DENND4C: variants seen among roughly 807,000 people sequenced by gnomAD.
The protein encoded by DENND4C is DENN domain containing 4C.
DENND4C carries 108 observed loss-of-function variants against 203.0 expected under a neutral mutation model. That is an observed-to-expected ratio of 0.53 (90% CI 0.46 to 0.62). The LOEUF is 0.62. Ranked by LOEUF, DENND4C falls within the 20% of genes least tolerant of loss-of-function variation. The pLI is 0.00. For missense variants in DENND4C, 2,481 were observed against 2,301.2 expected, an observed-to-expected ratio of 1.08 and a Z score of -1.60; for synonymous variants, 871 against 792.4, an observed-to-expected ratio of 1.10 and a Z score of -1.67.
chr9:19,332,509 C>A (rs150034466), intron 17 of DENND4C, among the ~76,000 whole-genome samples: 1 of 144,894 alleles, frequency 6.9e-6, no homozygotes, highest in Non-Finnish European at 1.5e-5. Context: ...TGTTACCATA[C>A]CTGGCTAATT....
At chr9:19,322,080 G>A (rs1251993677) in intron 12 of DENND4C, among the ~76,000 whole-genome samples, 1 of 151,930 alleles carries the variant, frequency 6.6e-6, no homozygotes, top group Non-Finnish European at 1.5e-5. Context: ...TGCTCATTTC[G>A]GGGTGCGGAG....
At chr9:19,321,263 C>T (rs1049071092) in intron 12 of DENND4C, among the ~76,000 whole-genome samples, 1 of 152,000 alleles carries the variant, frequency 6.6e-6, no homozygotes, top group Admixed American at 6.6e-5. Flanking sequence ...TTAGAGGTGA[C>T]CTGGATTAAT....
At chr9:19,331,667 CTTCTTTGTA>C (rs1819226557) in intron 16 of DENND4C, among the ~76,000 whole-genome samples, 1 of 152,146 alleles carries the variant, frequency 6.6e-6, no homozygotes, top group African/African-American at 2.4e-5. Flanking sequence ...AAATGAGTTC[CTTCTTTGTA>C]AAAGACATGA....
intron 4 of DENND4C, among the ~76,000 whole-genome samples, chr9:19,289,521 G>A (rs1274312494): frequency 6.6e-6 from 1 of 152,092 alleles, no homozygotes. Context: ...ATAAAATTCA[G>A]TATCATTTTA....
At chr9:19,271,480 G>A (rs1182746621) in intron 1 of DENND4C, among the ~76,000 whole-genome samples, 1 of 152,114 alleles carries the variant, frequency 6.6e-6, no homozygotes, top group Non-Finnish European at 1.5e-5. Context: ...GGAATTACAG[G>A]TGTGAGCTAC....
intron 1 of DENND4C, among the ~76,000 whole-genome samples, chr9:19,243,594 T>C (rs936975567): frequency 9.8e-5 from 15 of 152,348 alleles, no homozygotes; most frequent in Middle Eastern, 3.4e-3. Flanking sequence ...TGGATATTCC[T>C]ACAAGTGGAC....
intron 1 of DENND4C, among the ~76,000 whole-genome samples, chr9:19,261,653 C>G (rs1829388710): frequency 6.6e-6 from 1 of 150,750 alleles, no homozygotes. Context: ...ACAAGTGAAT[C>G]CCACCAGGCC....
chr9:19,317,836 C>G (rs915082073), intron 12 of DENND4C, among the ~76,000 whole-genome samples: 3 of 152,098 alleles, frequency 2.0e-5, no homozygotes, highest in African/African-American at 7.2e-5. Flanking sequence ...GATGTTCTTC[C>G]AAATATTCCA....
intron 28 of DENND4C, among the ~76,000 whole-genome samples, chr9:19,359,347 C>A (rs1315687759): frequency 6.6e-6 from 1 of 151,788 alleles, no homozygotes; most frequent in African/African-American, 2.4e-5. Flanking sequence ...TCCCTAATAA[C>A]TGGAACCACA....
intron 26 of DENND4C, among the ~76,000 whole-genome samples, 162 bp from the exon 27 acceptor site, chr9:19,356,810 A>AGAGAGAGAGT (rs1447525810): frequency 0.017 from 2,510 of 146,572 alleles, 68 homozygotes; most frequent in African/African-American, 0.062. Context: ...AGAGAGAGAG[A>AGAGAGAGAGT]GAGAGAGTGA....
intron 1 of DENND4C, among the ~76,000 whole-genome samples, chr9:19,258,552 A>G (rs984759757): frequency 6.6e-5 from 10 of 152,256 alleles, no homozygotes; most frequent in African/African-American, 2.4e-4. Context: ...TTGAAAATCA[A>G]TGTAATTTAC....
intron 2 of DENND4C, among the ~76,000 whole-genome samples, chr9:19,285,624 T>C (rs1272396555): frequency 1.3e-5 from 2 of 151,654 alleles, no homozygotes; most frequent in African/African-American, 4.8e-5. Context: ...GTGCTTTTGG[T>C]GTCATATCTA....
intron 20 of DENND4C, among the ~76,000 whole-genome samples, chr9:19,338,309 T>C (rs1476942363): frequency 6.6e-6 from 1 of 152,156 alleles, no homozygotes; most frequent in Non-Finnish European, 1.5e-5. Flanking sequence ...TTACCAGGAA[T>C]AGTAATAGTA....
Position 19,372,239 on chromosome 9 carries a change from GT to G in DENND4C, c.*75del, listed in dbSNP as rs370771934. The stretch of plus-strand genomic sequence containing the variant: ...TTAGATTTCATCTGGAAACATTCAA[GT>G]TTTTTTTTCCAAATCGTAAGAACTG... On this transcript the variant is annotated 3_prime_UTR_variant, in exon 33 of 33. Transcript: ENST00000434457. 1.1e-3 allele frequency: 1,752 copies of G among 1,533,122 alleles called. 17 individuals are homozygous for G. The African/African-American group carries it at 0.022, about 19-fold the overall frequency. The allele number at this position is 1,533,122 out of a possible 1,614,324, so 95.0% of individuals were successfully genotyped here.
rs1032049598 is a variant in DENND4C at position 19,316,871 on chromosome 9, T to C, written c.1807+32T>C. ...AGCATTGAAAGTACAATTCCTTTTA[T>C]TGAGGTGAAAAATATTTTATATTTG... is the stretch of plus-strand genomic sequence containing the variant. On this transcript the variant is annotated intron_variant, in intron 12 of 32. Coordinates refer to ENST00000434457, the MANE Select transcript of DENND4C (RefSeq NM_001330640.2). 12 of 1,540,774 alleles carry C rather than the reference T, an allele frequency of 7.8e-6. No homozygotes were observed. In the African/African-American group the frequency reaches 1.2e-4, roughly 16 times the overall value.
At chr9:19,244,512 G>T (rs1023965572) in intron 1 of DENND4C, among the ~76,000 whole-genome samples, 2 of 151,502 alleles carry the variant, frequency 1.3e-5, no homozygotes, top group African/African-American at 4.9e-5. Flanking sequence ...AGGCTGAGGC[G>T]GGAGGAGCAT....
chr9:19,332,785 T>TA (rs1819540348), intron 17 of DENND4C, among the ~76,000 whole-genome samples: 2 of 148,048 alleles, frequency 1.4e-5, no homozygotes, highest in African/African-American at 2.5e-5. Flanking sequence ...TTTTTTTTTT[T>TA]AAGGGATGGA....
intron 10 of DENND4C, among the ~76,000 whole-genome samples, chr9:19,307,784 A>G (rs930506698): frequency 6.0e-5 from 9 of 151,108 alleles, no homozygotes; most frequent in African/African-American, 2.2e-4. Flanking sequence ...AAAAAAAAAA[A>G]AAGAAAATAT....
intron 15 of DENND4C, among the ~76,000 whole-genome samples, chr9:19,327,275 A>G (rs1442125484): frequency 6.6e-6 from 1 of 152,128 alleles, no homozygotes; most frequent in Admixed American, 6.5e-5. Flanking sequence ...CAAGAAATCC[A>G]AAGTCAATAA....
Sources: gnomAD v4.1 joint callset for allele counts (sites outside exome capture counted in the v4.1 genomes callset) on GRCh38, gnomAD v4.1.1 for gene constraint, MANE v1.5 for transcripts, NCBI Gene and HGNC (gene_info 2026-07-23, HGNC 2026-07-21) for gene names.